The following GNMT variants were observed in gnomAD, a reference collection of about 807,000 sequenced individuals.
GNMT encodes glycine N-methyltransferase.
A neutral mutation model predicts 30.2 loss-of-function variants in GNMT; 26 were observed. The observed-to-expected ratio is 0.86, with a 90% CI of 0.63 to 1.19. The LOEUF (loss-of-function observed/expected upper bound fraction) is 1.19. Ranked by LOEUF, GNMT falls within the 50% of genes most tolerant of loss-of-function variation. GNMT has a pLI of 0.00. For synonymous variants in GNMT, 163 were observed against 163.8 expected (o/e 1.00, Z 0.04); for missense variants, 365 against 398.1 (o/e 0.92, Z 0.71).
intron 1 of GNMT, among the ~76,000 whole-genome samples, 165 bp downstream of exon 1, chr6:42,961,138 GGCACTGCGAGT>G (rs1425917383): frequency 4.6e-5 from 7 of 152,230 alleles, no homozygotes; most frequent in Admixed American, 3.9e-4. Context: ...CGGCAGAACA[GGCACTGCGAGT>G]GCCCCGTGAG....
chr6:42,962,907 C>G lies in GNMT; in HGVS notation c.451+29C>G, dbSNP rs1478328445. ...AGAGAGGGTGTGGCCTTGGGCATGGCCCCCGCCTTGAGGCCCCCTTCCACA... is the reference window on the plus strand; with the variant it reads ...AGAGAGGGTGTGGCCTTGGGCATGGGCCCCGCCTTGAGGCCCCCTTCCACA... On this transcript the variant is annotated intron_variant, in intron 3 of 5. Transcript: ENST00000372808. 1.9e-6 allele frequency: 3 copies of G among 1,585,330 alleles called. No individual in the cohort carries two copies. In the African/African-American group the frequency reaches 4.0e-5, roughly 21 times the overall value.
At chr6:42,962,181 C>T (rs1190115813) in intron 1 of GNMT, 31 bp from the exon 2 acceptor site, 10 of 1,613,868 alleles carry the variant, frequency 6.2e-6, no homozygotes, top group Admixed American at 1.7e-5. Flanking sequence ...CTAACTGCCT[C>T]TCTCTGCCTC....
rs2114233174 is a variant in GNMT at position 42,963,676 on chromosome 6, C to T, written c.858C>T (p.Tyr286=). The change falls in exon 6 of 6, where the codon TAC becomes TAT. Residue 286 remains tyrosine (Y), a synonymous_variant. Transcript: ENST00000372808. ...CAGGCCAAACCTACATTCCCTGCTA[C>T]TTCATCCACGTGCTCAAGAGGACAG... ...YKPGQTYIPC[Y]FIHVLKRTD 1.2e-6 allele frequency: 2 copies of T among 1,614,198 alleles called. No individual in the cohort carries two copies. The highest frequency in any genetic ancestry group is 2.2e-5 in the South Asian group (2 of 91,088).
Position 42,960,916 on chromosome 6 carries a change from T to A in GNMT, c.149T>A (p.Leu50His). Reference protein sequence around the residue: ...SRTAEYKAWLLGLLRQHGCQR... With the variant: ...SRTAEYKAWLHGLLRQHGCQR... ...ACCGCCGAGTACAAGGCATGGCTGC[T>A]TGGGCTGCTGCGCCAGCACGGCTGC... is the stretch of plus-strand genomic sequence containing the variant. Residue 50 changes from leucine to histidine, a missense_variant, in exon 1 of 6, where the codon CTT (leucine) becomes CAT (histidine). Transcript: ENST00000372808. The A allele has an allele frequency of 6.4e-7, 1 of 1,563,860 alleles. No individual in the cohort carries two copies. The highest frequency in any genetic ancestry group is 1.8e-4 in the Middle Eastern group (1 of 5,688).
At chr6:42,962,653 G>A in intron 2 of GNMT, 109 bp from the exon 3 acceptor site, 1 of 851,934 alleles carries the variant, frequency 1.2e-6, no homozygotes, top group Non-Finnish European at 2.1e-6. Flanking sequence ...ACTGAACGGG[G>A]AGCTTGTGTG....
chr6:42,961,081 C>A, intron 1 of GNMT, 108 bp downstream of exon 1: 2 of 964,632 alleles, frequency 2.1e-6, no homozygotes, highest in Non-Finnish European at 3.0e-6. Context: ...CGGCCTTTGC[C>A]AATCCTGGAA....
rs1440385005 is a variant in GNMT, at chr6:42,960,847, C to A, written c.80C>A (p.Ala27Glu). The part of the protein sequence containing the change: ...GLPDQYADGE[A>E]ARVWQLYIGD... ...CCGGACCAGTACGCGGACGGGGAGG[C>A]GGCGCGCGTGTGGCAGCTGTATATC... The change falls in exon 1 of 6, where the codon GCG becomes GAG. Residue 27 changes from alanine (A) to glutamate (E), a missense_variant. By Grantham distance (107) the Ala-to-Glu change is moderately radical. Around this residue, in one of 3 missense-constraint regions of GNMT, gnomAD observed 125 missense variants for 112.0 expected, o/e 1.12. Coordinates refer to ENST00000372808, the MANE Select transcript of GNMT (RefSeq NM_018960.6). 1 of 1,555,954 alleles carries A rather than the reference C, an allele frequency of 6.4e-7. No individual in the cohort carries two copies. The highest frequency in any genetic ancestry group is 1.9e-5 in the Admixed American group (1 of 52,188).
Position 42,962,744 on chromosome 6 carries a change from TCTCTTC to T in GNMT, c.335-15_335-10del. On this transcript the variant is annotated splice_polypyrimidine_tract_variant and intron_variant, in intron 2 of 5. Transcript: ENST00000372808. ...CCATCGTGCCTCCCTGATTCCTCTT[TCTCTTC>T]CTGACCCCTAGTCATCGAAGAAGCC... The T allele has an allele frequency of 6.4e-7, 1 of 1,571,194 alleles. No homozygotes were observed. The highest frequency in any genetic ancestry group is 1.1e-5 in the South Asian group (1 of 90,232).
At position 42,960,936 on chromosome 6, in the gene GNMT, G is replaced by A; in HGVS notation, c.169G>A (p.Gly57Ser). ...AWLLGLLRQH[G>S]CQRVLDVACG... is the part of the protein sequence containing the mutation. The stretch of plus-strand genomic sequence containing the variant: ...GCTGCTTGGGCTGCTGCGCCAGCAC[G>A]GCTGCCAGCGGGTGCTCGACGTAGC... Residue 57 changes from glycine (G) to serine (S), a missense_variant, in exon 1 of 6, where the codon GGC becomes AGC. Gly to Ser is a moderately conservative substitution (Grantham distance 56). Around this residue, in one of 3 missense-constraint regions of GNMT, gnomAD observed 125 missense variants for 112.0 expected, o/e 1.12. Transcript: ENST00000372808. The A allele has an allele frequency of 3.2e-6, 5 of 1,564,438 alleles. No homozygotes were observed. The highest frequency in any genetic ancestry group is 4.3e-6 in the Non-Finnish European group (5 of 1,160,436).
chr6:42,960,923 G>A lies in GNMT; in HGVS notation c.156G>A (p.Leu52=). The change falls in exon 1 of 6, where the codon CTG becomes CTA. Residue 52 remains leucine (L), a synonymous_variant. Coordinates refer to ENST00000372808, the MANE Select transcript of GNMT (RefSeq NM_018960.6). ...AGTACAAGGCATGGCTGCTTGGGCT[G>A]CTGCGCCAGCACGGCTGCCAGCGGG... ...TAEYKAWLLG[L]LRQHGCQRVL... 6.4e-7 allele frequency: 1 copy of A among 1,564,518 alleles called. No individual in the cohort carries two copies. The highest frequency in any genetic ancestry group is 1.9e-5 in the Admixed American group (1 of 53,494).
At chr6:42,961,111 A>C in intron 1 of GNMT, 138 bp downstream of exon 1, 1 of 722,372 alleles carries the variant, frequency 1.4e-6, no homozygotes, top group South Asian at 2.0e-5. Context: ...CACCAGGGCC[A>C]GGAGCAGGTA....
chr6:42,962,203 C>T lies in GNMT; in HGVS notation c.207-9C>T, dbSNP rs377520419. 26 of 1,613,962 alleles carry T rather than the reference C, an allele frequency of 1.6e-5. No homozygotes were observed. In the East Asian group the frequency reaches 2.7e-4, roughly 17 times the overall value. ...CCTCTCTCTGCCTCTCCTCGCTGGC[C>T]GTACTCAGGGTGGACTCCATTATGC... On this transcript the variant is annotated splice_polypyrimidine_tract_variant and intron_variant, in intron 1 of 5. Transcript: ENST00000372808.
At position 42,963,388 on chromosome 6, in the gene GNMT, G is replaced by A; in HGVS notation, c.655G>A (p.Val219Met). 6.2e-7 allele frequency: 1 copy of A among 1,613,868 alleles called. No individual in the cohort carries two copies. The highest frequency in any genetic ancestry group is 8.5e-7 in the Non-Finnish European group (1 of 1,179,894). Residue 219 changes from valine (V) to methionine (M), a missense_variant, in exon 5 of 6, where the codon GTG becomes ATG. Around this residue, in one of 3 missense-constraint regions of GNMT, gnomAD observed 232 missense variants for 263.0 expected, o/e 0.88. Coordinates refer to ENST00000372808, the MANE Select transcript of GNMT (RefSeq NM_018960.6). The stretch of plus-strand genomic sequence containing the variant: ...GATAGTGAACAACAAGGCCCACATG[G>A]TGACCCTGGACTATACGGTGCAGGT... ...VLIVNNKAHMVTLDYTVQVPG... is the reference protein window; with the variant it reads ...VLIVNNKAHMMTLDYTVQVPG...
At chr6:42,961,373 T>C (rs1368677959) in intron 1 of GNMT, among the ~76,000 whole-genome samples, 26 of 152,136 alleles carry the variant, frequency 1.7e-4, no homozygotes, top group Admixed American at 1.7e-3. Flanking sequence ...CCAGGAGCTT[T>C]TGATACATCA....
rs770519701 is a variant in GNMT at position 42,963,128 on chromosome 6, G to C, written c.508G>C (p.Gly170Arg). 49 of 1,612,752 alleles carry C rather than the reference G, an allele frequency of 3.0e-5. No homozygotes were observed. In the African/African-American group the frequency reaches 3.3e-4, roughly 11 times the overall value. ...AAACATTGCGAGCATGGTGCGGGCA[G>C]GGGGCCTACTGGTCATTGATCATCG... ...LKNIASMVRA[G>R]GLLVIDHRNY... The change falls in exon 4 of 6, where the codon GGG (glycine) becomes CGG (arginine). Residue 170 changes from glycine (G) to arginine (R), a missense_variant. Around this residue, in one of 3 missense-constraint regions of GNMT, gnomAD observed 232 missense variants for 263.0 expected, o/e 0.88. Coordinates refer to ENST00000372808, the MANE Select transcript of GNMT (RefSeq NM_018960.6).
rs200015105 is a variant in GNMT, at chr6:42,963,057, G to A, written c.452-15G>A. ...CTGAGCAGATGGAGTCTTTCTGCCCGTGCCTGGAGCTCAGGGGACCAGAGT... is the reference window on the plus strand; with the variant it reads ...CTGAGCAGATGGAGTCTTTCTGCCCATGCCTGGAGCTCAGGGGACCAGAGT... On this transcript the variant is annotated splice_polypyrimidine_tract_variant and intron_variant, in intron 3 of 5. Coordinates refer to ENST00000372808, the MANE Select transcript of GNMT (RefSeq NM_018960.6). 4.4e-5 allele frequency: 71 copies of A among 1,611,174 alleles called. No individual in the cohort carries two copies. The Admixed American group carries it at 5.2e-4, about 12-fold the overall frequency.
rs1257091270 is a variant in GNMT, at chr6:42,960,757, C to A, written c.-11C>A. 3.3e-6 allele frequency: 5 copies of A among 1,499,146 alleles called. No homozygotes were observed. In the African/African-American group the frequency reaches 4.2e-5, roughly 13 times the overall value. 92.9% of individuals were successfully genotyped at this position (1,499,146 alleles called of 1,614,324 possible). On this transcript the variant is annotated 5_prime_UTR_variant, in exon 1 of 6. Coordinates refer to ENST00000372808, the MANE Select transcript of GNMT (RefSeq NM_018960.6). ...CGGAGCGGGTGGCTGCGGAGCCAGG[C>A]GCGGCGCAGGATGGTGGACAGCGTG... is the stretch of plus-strand genomic sequence containing the variant.
In GNMT at chr6:42,963,188, C is replaced by A; in HGVS notation, c.568C>A (p.Pro190Thr). 1 of 1,606,526 alleles carries A rather than the reference C, an allele frequency of 6.2e-7. No homozygotes were observed. The highest frequency in any genetic ancestry group is 8.5e-7 in the Non-Finnish European group (1 of 1,178,410). Residue 190 changes from proline (P) to threonine (T), a missense_variant, in exon 4 of 6, where the codon CCC (proline) becomes ACC (threonine). Coordinates refer to ENST00000372808, the MANE Select transcript of GNMT (RefSeq NM_018960.6). ...YDHILSTGCA[P>T]PGKNIYYKSD... ...CCACATCCTCAGTACAGGCTGTGCA[C>A]CCCCAGGGAAGAACATCTACTATAA... is the stretch of plus-strand genomic sequence containing the variant.
At chr6:42,961,291 T>C (rs886306300) in intron 1 of GNMT, among the ~76,000 whole-genome samples, 4 of 152,168 alleles carry the variant, frequency 2.6e-5, no homozygotes, top group African/African-American at 7.2e-5. Context: ...ATTGCAAATA[T>C]TCCTCCTGTG....
Sources: gnomAD v4.1 joint callset for allele counts (sites outside exome capture counted in the v4.1 genomes callset) on GRCh38, gnomAD v4.1.1 for gene constraint, gnomAD v4.1.1 regional missense constraint, MANE v1.5 for transcripts, NCBI Gene and HGNC (gene_info 2026-07-23, HGNC 2026-07-21) for gene names.